The following HYAL4 variants were observed in gnomAD, a reference collection of about 807,000 sequenced individuals.
HYAL4 encodes hyaluronidase 4, also known as hyaluronidase-4.
In HYAL4, 37 loss-of-function variants were observed where a neutral mutation model predicts 35.2. That is an observed-to-expected ratio of 1.05 (90% CI 0.81 to 1.38). HYAL4 has a LOEUF of 1.38. Ranked by LOEUF, HYAL4 falls within the 40% of genes most tolerant of loss-of-function variation. The pLI is 0.00. For synonymous variants in HYAL4, 198 were observed against 203.2 expected, an observed-to-expected ratio of 0.97 and a Z score of 0.22; for missense variants, 572 against 572.4, an observed-to-expected ratio of 1.00 and a Z score of 0.01.
chr7:123,840,034 T>C (rs538004334), intron 1 of HYAL4, among the ~76,000 whole-genome samples: 235 of 152,334 alleles, frequency 1.5e-3, no homozygotes, highest in Middle Eastern at 6.8e-3. Context: ...GCCATTGCTT[T>C]TGGTGTTTTA....
At chr7:123,778,737 G>A in the HYAL4 span, among the ~76,000 whole-genome samples, 7 of 152,052 alleles carry the variant, frequency 4.6e-5, no homozygotes, top group Admixed American at 4.6e-4. Flanking sequence ...TTTTTGTACT[G>A]TAAAATTTCA....
the HYAL4 span, among the ~76,000 whole-genome samples, chr7:123,783,036 A>G: frequency 6.6e-6 from 1 of 151,964 alleles, no homozygotes; most frequent in Admixed American, 6.6e-5. Flanking sequence ...ATCAAATATA[A>G]ATATAAAGTC....
chr7:123,855,709 G>T (rs1041884268), intron 2 of HYAL4, among the ~76,000 whole-genome samples: 2 of 152,024 alleles, frequency 1.3e-5, no homozygotes, highest in Admixed American at 1.3e-4. Flanking sequence ...TATCTTTGTG[G>T]TGGTTTCTGT....
intron 3 of HYAL4, among the ~76,000 whole-genome samples, chr7:123,869,844 C>T (rs550476883): frequency 1.3e-4 from 19 of 148,482 alleles, no homozygotes; most frequent in Middle Eastern, 3.4e-3. Flanking sequence ...CTCACCCCCC[C>T]CCACCCAGCT....
the HYAL4 span, among the ~76,000 whole-genome samples, chr7:123,805,689 TAAG>T: frequency 1.3e-4 from 19 of 151,986 alleles, no homozygotes; most frequent in Admixed American, 1.0e-3. Context: ...AAAATGAAAA[TAAG>T]AAGTAAGATC....
chr7:123,832,756 C>A (rs549972432), intron 1 of HYAL4, among the ~76,000 whole-genome samples: 39 of 151,860 alleles, frequency 2.6e-4, no homozygotes, highest in African/African-American at 9.4e-4. Context: ...TTGCTTCGGC[C>A]CCCCAGGCGT....
chr7:123,837,355 G>T (rs888777055), intron 1 of HYAL4, among the ~76,000 whole-genome samples: 1 of 152,002 alleles, frequency 6.6e-6, no homozygotes, highest in Non-Finnish European at 1.5e-5. Context: ...GCATCAAAAA[G>T]GAAGTGTTTA....
the HYAL4 span, among the ~76,000 whole-genome samples, chr7:123,776,443 A>C: frequency 6.6e-6 from 1 of 151,960 alleles, no homozygotes; most frequent in Admixed American, 6.6e-5. Flanking sequence ...TGAGATGGGG[A>C]ATCACTCTGT....
intron 3 of HYAL4, among the ~76,000 whole-genome samples, chr7:123,873,813 C>CG (rs1806943321): frequency 6.6e-6 from 1 of 152,190 alleles, no homozygotes; most frequent in East Asian, 1.9e-4. Context: ...TTACCTTTGT[C>CG]TGTCTTAACC....
the HYAL4 span, among the ~76,000 whole-genome samples, chr7:123,767,269 T>G: frequency 6.6e-6 from 1 of 152,342 alleles, no homozygotes; most frequent in East Asian, 1.9e-4. Context: ...AAGAGACTTT[T>G]GGCTGCAGGT....
At chr7:123,784,416 CACTT>C in the HYAL4 span, among the ~76,000 whole-genome samples, 1 of 152,186 alleles carries the variant, frequency 6.6e-6, no homozygotes, top group Non-Finnish European at 1.5e-5. Flanking sequence ...ACACTGACCT[CACTT>C]AATGACCAGC....
chr7:123,773,269 T>C, the HYAL4 span, among the ~76,000 whole-genome samples: 1 of 152,228 alleles, frequency 6.6e-6, no homozygotes, highest in African/African-American at 2.4e-5. Context: ...AAAAAACATA[T>C]AAACTGTGGT....
chr7:123,820,846 CTT>C, the HYAL4 span, among the ~76,000 whole-genome samples: 1 of 152,156 alleles, frequency 6.6e-6, no homozygotes, highest in Non-Finnish European at 1.5e-5. Flanking sequence ...TTACTGTGTT[CTT>C]TGCTTCTACG....
the HYAL4 span, among the ~76,000 whole-genome samples, chr7:123,819,895 CT>C: frequency 1.2e-3 from 170 of 138,824 alleles, 1 homozygote; most frequent in East Asian, 2.1e-3. Context: ...CTTTTTTTTT[CT>C]TTTTTTTTTT....
the HYAL4 span, among the ~76,000 whole-genome samples, chr7:123,821,161 C>T: frequency 1.3e-5 from 2 of 152,056 alleles, no homozygotes; most frequent in African/African-American, 2.4e-5. Flanking sequence ...TTTATATATC[C>T]AGAAGTATAT....
intron 2 of HYAL4, among the ~76,000 whole-genome samples, chr7:123,863,555 ATGT>A (rs1361646820): frequency 6.6e-6 from 1 of 152,144 alleles, no homozygotes; most frequent in Non-Finnish European, 1.5e-5. Flanking sequence ...TCTAGATTAG[ATGT>A]TGTCAGAAAG....
rs111316154 is a variant in HYAL4 at position 123,876,359 on chromosome 7, G to T, written c.1045-395G>T. Among the ~76,000 whole-genome samples the T allele has an allele frequency of 1.3e-3, 198 of 152,268 alleles. 1 individual carries two copies. The highest frequency in any genetic ancestry group is 2.3e-3 in the South Asian group (11 of 4,820). The stretch of plus-strand genomic sequence containing the variant: ...AATGGTAGCTGAGGGCAGCAGTTCT[G>T]GTACATTCCTAATTTGGGTTTGTTC... On this transcript the variant is annotated intron_variant, in intron 4 of 4. Transcript: ENST00000223026.
chr7:123,797,186 T>G, the HYAL4 span, among the ~76,000 whole-genome samples: 1 of 152,200 alleles, frequency 6.6e-6, no homozygotes, highest in Non-Finnish European at 1.5e-5. Context: ...TTAATGAGAC[T>G]CAATCGTAAA....
At chr7:123,796,153 A>C in the HYAL4 span, among the ~76,000 whole-genome samples, 4 of 152,220 alleles carry the variant, frequency 2.6e-5, no homozygotes, top group African/African-American at 9.6e-5. Flanking sequence ...CACTATTTGC[A>C]AATCCCCAGA....
Sources: gnomAD v4.1 joint callset for allele counts (sites outside exome capture counted in the v4.1 genomes callset) on GRCh38, gnomAD v4.1.1 for gene constraint, MANE v1.5 for transcripts, NCBI Gene and HGNC (gene_info 2026-07-23, HGNC 2026-07-21) for gene names.